Variants in SIMC1 observed in about 807,000 individuals in gnomAD.
The protein encoded by SIMC1 is SUMO interacting motifs containing 1, also known as SUMO-interacting motif-containing protein 1.
In SIMC1, 55 loss-of-function variants were observed where a neutral mutation model predicts 82.3. That is an observed-to-expected ratio of 0.67 (90% confidence interval 0.54 to 0.84). The LOEUF is 0.84. Among genes scored for constraint, SIMC1 ranks in the 40% least tolerant of loss-of-function variants. The probability of loss-of-function intolerance (pLI) is 0.00; values close to 1 mark genes in which losing one functional copy is unlikely to be tolerated. For missense variants in SIMC1, 915 were observed against 1,107.2 expected (o/e 0.83, Z 2.46); for synonymous variants, 353 against 426.3 (o/e 0.83, Z 2.12).
chr5:176,252,734 G>C (rs573663671), intron 1 of SIMC1, among the ~76,000 whole-genome samples: 1 of 152,308 alleles, frequency 6.6e-6, no homozygotes, highest in East Asian at 1.9e-4. Flanking sequence ...TTCCCAGATG[G>C]GGTGGCGGCC....
chr5:176,344,478 C>T (rs1411800462), intron 9 of SIMC1, among the ~76,000 whole-genome samples: 44 of 96,302 alleles, frequency 4.6e-4, no homozygotes, highest in African/African-American at 1.7e-3. Context: ...TACACACACA[C>T]ACACACACAC....
intron 1 of SIMC1, among the ~76,000 whole-genome samples, chr5:176,260,227 C>T (rs1255722610): frequency 6.6e-6 from 1 of 151,968 alleles, no homozygotes; most frequent in East Asian, 1.9e-4. Flanking sequence ...AATGGAAAAC[C>T]AAACATCGTA....
At chr5:176,259,465 T>C (rs1338392197) in intron 1 of SIMC1, among the ~76,000 whole-genome samples, 2 of 151,796 alleles carry the variant, frequency 1.3e-5, no homozygotes, top group Admixed American at 1.3e-4. Context: ...AAAAAAATTA[T>C]AAACATTATT....
Position 176,254,802 on chromosome 5 carries a change from T to C in SIMC1, c.129+16165T>C, listed in dbSNP as rs533971346. Among the ~76,000 whole-genome samples the C allele has an allele frequency of 1.2e-4, 18 of 152,268 alleles. No individual in the cohort carries two copies. The South Asian group carries it at 3.7e-3, about 32-fold the overall frequency. ...GAGAGCAAATTTTATTAAACTTAGGTAAATAATTCTTGCCATAAAAAATAA... is the reference window on the plus strand; with the variant it reads ...GAGAGCAAATTTTATTAAACTTAGGCAAATAATTCTTGCCATAAAAAATAA... On this transcript the variant is annotated intron_variant, in intron 1 of 9. Transcript: ENST00000429602.
chr5:176,311,562 A>AG (rs1462433030), intron 4 of SIMC1, among the ~76,000 whole-genome samples: 1 of 152,098 alleles, frequency 6.6e-6, no homozygotes, highest in East Asian at 1.9e-4. Context: ...TAAAAAAAAA[A>AG]AGAGAGAAAG....
chr5:176,260,714 A>G (rs1039463594), intron 1 of SIMC1, among the ~76,000 whole-genome samples: 27 of 152,310 alleles, frequency 1.8e-4, no homozygotes, highest in African/African-American at 6.3e-4. Context: ...TGTGGACATT[A>G]TGTCATTCCT....
chr5:176,314,826 A>AC (rs1376752636), intron 5 of SIMC1, among the ~76,000 whole-genome samples: 2 of 152,170 alleles, frequency 1.3e-5, no homozygotes, highest in Non-Finnish European at 2.9e-5. Context: ...TAGAAACTAT[A>AC]CCTCAAGTAC....
chr5:176,282,721 T>A (rs1444861181), intron 1 of SIMC1, among the ~76,000 whole-genome samples: 2 of 152,086 alleles, frequency 1.3e-5, no homozygotes, highest in African/African-American at 4.8e-5. Flanking sequence ...CAATCAAACT[T>A]CTTCTAGCTA....
intron 7 of SIMC1, among the ~76,000 whole-genome samples, chr5:176,325,816 G>C (rs188437807): frequency 6.6e-6 from 1 of 152,208 alleles, no homozygotes; most frequent in East Asian, 1.9e-4. Flanking sequence ...TAAAGGCTTG[G>C]TGGGTGAATG....
chr5:176,304,897 G>A (rs1389360093), intron 4 of SIMC1, among the ~76,000 whole-genome samples: 2 of 145,104 alleles, frequency 1.4e-5, no homozygotes, highest in Non-Finnish European at 3.1e-5. Context: ...GGGAGGTGAC[G>A]AGCGTCTCTG....
intron 1 of SIMC1, among the ~76,000 whole-genome samples, chr5:176,240,992 C>CTTT (rs60144020): frequency 1.4e-5 from 1 of 71,228 alleles, no homozygotes; most frequent in African/African-American, 5.4e-5. Flanking sequence ...ACTTTTACAT[C>CTTT]TTTTTTTTTT....
At chr5:176,327,199 A>G (rs1487131428) in intron 7 of SIMC1, among the ~76,000 whole-genome samples, 2 of 152,222 alleles carry the variant, frequency 1.3e-5, no homozygotes, top group Non-Finnish European at 2.9e-5. Context: ...AACATGATTT[A>G]TACAAAACCT....
intron 1 of SIMC1, among the ~76,000 whole-genome samples, chr5:176,255,577 C>CTTT (rs57239326): frequency 8.9e-5 from 12 of 134,380 alleles, no homozygotes; most frequent in Non-Finnish European, 1.7e-4. Flanking sequence ...GTGAGACTGT[C>CTTT]TTTTTTTTTT....
Position 176,317,567 on chromosome 5 carries a change from A to C in SIMC1, c.1889+3722A>C, listed in dbSNP as rs141510369. On this transcript the variant is annotated intron_variant, in intron 5 of 9. Coordinates refer to ENST00000429602, the MANE Select transcript of SIMC1 (RefSeq NM_001308195.2). ...AAGGAGTTCGCTCTTTTTCCTCCCCACATTCCCCATCACACACATATTTGC... is the reference window on the plus strand; with the variant it reads ...AAGGAGTTCGCTCTTTTTCCTCCCCCCATTCCCCATCACACACATATTTGC... 5.3e-4 allele frequency among the ~76,000 whole-genome samples: 80 copies of C among 152,182 alleles called. 2 individuals carry two copies. In the East Asian group the frequency reaches 0.015, roughly 28 times the overall value.
intron 1 of SIMC1, among the ~76,000 whole-genome samples, chr5:176,258,062 G>A (rs1761905134): frequency 6.6e-6 from 1 of 152,206 alleles, no homozygotes; most frequent in Non-Finnish European, 1.5e-5. Flanking sequence ...CGGAAGTACA[G>A]TATAACTTTC....
At position 176,290,412 on chromosome 5, in the gene SIMC1, A is replaced by G. The variant is rs1229818123; in HGVS notation, c.888A>G (p.Ile296Met). ...ATGTGCCAGGGCTGCCTCAAAGCAT[A>G]TTACATCCACAAGATGTGGCATACC... is the stretch of plus-strand genomic sequence containing the variant. ...PQDVPGLPQS[I>M]LHPQDVAYLQ... The change falls in exon 2 of 10, where the codon ATA becomes ATG. Residue 296 changes from isoleucine to methionine, a missense_variant. By Grantham distance (10) the Ile-to-Met change is conservative. Coordinates refer to ENST00000429602, the MANE Select transcript of SIMC1 (RefSeq NM_001308195.2). 3 of 1,613,856 alleles carry G rather than the reference A, an allele frequency of 1.9e-6. No individual in the cohort carries two copies. Among genetic ancestry groups the G allele is most frequent in the Non-Finnish European group, 2.5e-6 (3 of 1,179,866 alleles).
Position 176,345,688 on chromosome 5 carries a change from C to CT in SIMC1, c.*249dup. 1 of 229,656 alleles carries CT rather than the reference C, an allele frequency of 4.4e-6. No homozygotes were observed. The highest frequency in any genetic ancestry group is 9.2e-5 in the East Asian group (1 of 10,924). The allele number at this position is 229,656 out of a possible 1,614,324, so 14.2% of individuals were successfully genotyped here. On this transcript the variant is annotated 3_prime_UTR_variant, in exon 10 of 10. Coordinates refer to ENST00000429602, the MANE Select transcript of SIMC1 (RefSeq NM_001308195.2). ...TTTTTTAATAAATTATTTATCTATACTTTTTTGAAACAGGTTAATACTCTG... is the reference window on the plus strand; with the variant it reads ...TTTTTTAATAAATTATTTATCTATACTTTTTTTGAAACAGGTTAATACTCTG...
chr5:176,295,815 C>G (rs1479708428), intron 3 of SIMC1, among the ~76,000 whole-genome samples: 2 of 151,932 alleles, frequency 1.3e-5, no homozygotes, highest in Non-Finnish European at 2.9e-5. Context: ...GAAAGAGTGT[C>G]TGCTTCCTTT....
chr5:176,320,375 A>ATTTATTTG (rs1418112818), intron 5 of SIMC1, among the ~76,000 whole-genome samples: 3 of 107,688 alleles, frequency 2.8e-5, no homozygotes, highest in African/African-American at 8.7e-5. Context: ...TTATTTATTT[A>ATTTATTTG]TTTATTTTGA....
Sources: gnomAD v4.1 joint callset for allele counts (sites outside exome capture counted in the v4.1 genomes callset) on GRCh38, gnomAD v4.1.1 for gene constraint, MANE v1.5 for transcripts, NCBI Gene and HGNC (gene_info 2026-07-23, HGNC 2026-07-21) for gene names.